INSYN2A: variants seen among roughly 807,000 people sequenced by gnomAD.
INSYN2A encodes the protein family with sequence similarity 196 member A.
Under a neutral mutation model 39.4 loss-of-function variants are expected in INSYN2A, and 17 were observed. The observed-to-expected ratio is 0.43, with a 90% CI of 0.30 to 0.65. The LOEUF (loss-of-function observed/expected upper bound fraction) is 0.65. Ranked by LOEUF, INSYN2A falls within the 30% of genes least tolerant of loss-of-function variation. The pLI is 0.14. For synonymous variants in INSYN2A, 255 were observed against 265.7 expected (o/e 0.96, Z 0.39); for missense variants, 595 against 631.2 (o/e 0.94, Z 0.61).
chr10:127,165,195 T>C (rs1339247285), intron 4 of INSYN2A, among the ~76,000 whole-genome samples: 2 of 152,224 alleles, frequency 1.3e-5, no homozygotes, highest in African/African-American at 4.8e-5. Flanking sequence ...ATGGTAAATA[T>C]CCACAGAGTC....
intron 5 of INSYN2A, among the ~76,000 whole-genome samples, chr10:127,149,496 G>C (rs1344459364): frequency 6.6e-6 from 1 of 152,088 alleles, no homozygotes; most frequent in Non-Finnish European, 1.5e-5. Context: ...ATTTATTACA[G>C]GCCTGTGGTG....
intron 5 of INSYN2A, among the ~76,000 whole-genome samples, chr10:127,149,345 C>T (rs1242723714): frequency 1.3e-5 from 2 of 152,182 alleles, no homozygotes; most frequent in Non-Finnish European, 2.9e-5. Context: ...TTTCGCTTGT[C>T]GTACTGGTGG....
At chr10:127,180,886 G>C (rs992510602) in intron 2 of INSYN2A, among the ~76,000 whole-genome samples, 2 of 152,188 alleles carry the variant, frequency 1.3e-5, no homozygotes, top group African/African-American at 2.4e-5. Context: ...CATCGTTGTG[G>C]TATTAAGATA....
intron 2 of INSYN2A, among the ~76,000 whole-genome samples, chr10:127,190,682 C>CCCCCCCCCCCG (rs1554912109): frequency 2.3e-5 from 1 of 43,738 alleles, no homozygotes; most frequent in African/African-American, 7.4e-5. Context: ...CCCCCCCCCC[C>CCCCCCCCCCCG]CGTTCCTGCT....
At chr10:127,169,630 C>T (rs2054380997) in intron 4 of INSYN2A, among the ~76,000 whole-genome samples, 1 of 152,132 alleles carries the variant, frequency 6.6e-6, no homozygotes, top group Admixed American at 6.5e-5. Flanking sequence ...TGGGTGCTTT[C>T]AGGATACAAT....
rs10829471 is a variant in INSYN2A at position 127,138,970 on chromosome 10, C to T, written c.1257-950G>A. On this transcript the variant is annotated intron_variant, in intron 5 of 5. Coordinates refer to ENST00000522781, the MANE Select transcript of INSYN2A (RefSeq NM_001039762.3). ...GACCCCCGGTCCATGCATCGTTTTT[C>T]TGTGATGATCTCTGCATTGAGGAGT... 6.6e-3 allele frequency among the ~76,000 whole-genome samples: 1,001 copies of T among 152,294 alleles called. 4 individuals are homozygous for T. Among genetic ancestry groups the T allele is most frequent in the Admixed American group, 0.012 (177 of 15,304 alleles).
Position 127,140,644 on chromosome 10 carries a change from C to CTGGGTTGAGTTTGACACACCGAGTCTT in INSYN2A, c.1257-2625_1257-2624insAAGACTCGGTGTGTCAAACTCAACCCA, listed in dbSNP as rs1169905282. Among the ~76,000 whole-genome samples, 3 of 150,596 alleles carry CTGGGTTGAGTTTGACACACCGAGTCTT rather than the reference C, an allele frequency of 2.0e-5. No homozygotes were observed. In the East Asian group the frequency reaches 5.8e-4, roughly 29 times the overall value. ...CGGTTGAGTTTGACACACCAAGTCT[C>CTGGGTTGAGTTTGACACACCGAGTCTT]TGGGTTGAGTTTGACACACCGAGTC... On this transcript the variant is annotated intron_variant, in intron 5 of 5. Coordinates refer to ENST00000522781, the MANE Select transcript of INSYN2A (RefSeq NM_001039762.3).
Position 127,137,797 on chromosome 10 carries a change from G to C in INSYN2A, c.*40C>G, listed in dbSNP as rs762501732. The stretch of plus-strand genomic sequence containing the variant: ...AAAAGTATTGACTTAAACTCCAGTG[G>C]GTTCTAAAGACGGCCTCGAGACTCC... On this transcript the variant is annotated 3_prime_UTR_variant, in exon 6 of 6. Transcript: ENST00000522781. The C allele has an allele frequency of 9.6e-6, 15 of 1,559,338 alleles. No individual in the cohort carries two copies. Among genetic ancestry groups the C allele is most frequent in the Non-Finnish European group, 8.7e-7 (1 of 1,148,570 alleles).
intron 5 of INSYN2A, among the ~76,000 whole-genome samples, chr10:127,140,802 C>T (rs889004668): frequency 2.0e-5 from 3 of 152,210 alleles, no homozygotes; most frequent in Non-Finnish European, 4.4e-5. Context: ...AAGGCAGCAA[C>T]ACCTGCTCTT....
intron 4 of INSYN2A, among the ~76,000 whole-genome samples, chr10:127,159,132 A>C (rs1362680468): frequency 6.6e-6 from 1 of 152,242 alleles, no homozygotes; most frequent in East Asian, 1.9e-4. Flanking sequence ...ATGCTCTGTT[A>C]GAAACAGAAG....
chr10:127,196,369 T>C lies in INSYN2A; in HGVS notation c.-767A>G, dbSNP rs1361984695. Among the ~76,000 whole-genome samples, 3 of 148,750 alleles carry C rather than the reference T, an allele frequency of 2.0e-5. No homozygotes were observed. In the East Asian group the frequency reaches 5.9e-4, roughly 29 times the overall value. The stretch of plus-strand genomic sequence containing the variant: ...CGGAGCCAGCCACAGCCACCCGGCT[T>C]CGCGCTCCTCCGATGTCCTCATTTA... On this transcript the variant is annotated 5_prime_UTR_variant, in exon 1 of 6. Transcript: ENST00000522781.
chr10:127,175,056 A>C lies in INSYN2A; in HGVS notation c.1184+156T>G, dbSNP rs568598834. 1.3e-5 allele frequency among the ~76,000 whole-genome samples: 2 copies of C among 152,300 alleles called. No homozygotes were observed. Among genetic ancestry groups the C allele is most frequent in the Non-Finnish European group, 2.9e-5 (2 of 68,040 alleles). ...CAGTGACGTCTAGTATCATAAAATAATCTGCGACCCCTTGGAGCTCGCCAC... is the reference window on the plus strand; with the variant it reads ...CAGTGACGTCTAGTATCATAAAATACTCTGCGACCCCTTGGAGCTCGCCAC... On this transcript the variant is annotated intron_variant, in intron 4 of 5. Coordinates refer to ENST00000522781, the MANE Select transcript of INSYN2A (RefSeq NM_001039762.3). This position sits in a 1 kb window ranked among gnomAD's most constrained non-coding sequence, Gnocchi z 6.3.
Position 127,153,852 on chromosome 10 carries a change from C to G in INSYN2A, c.1256G>C (p.Ser419Thr). ...TGGGAAGAGGAGAATGTTAACATAC[C>G]TATAGATAATACATGCACTGTTCCT... ...TCRNSACIIY[S>T]VELDFKQQED... The change falls in exon 5 of 6, where the codon AGT (serine) becomes ACT (threonine). Residue 419 changes from serine to threonine, a missense_variant and splice_region_variant. Ser to Thr is a moderately conservative substitution (Grantham distance 58). Transcript: ENST00000522781. The G allele has an allele frequency of 2.5e-6, 4 of 1,608,834 alleles. No individual in the cohort carries two copies. Among genetic ancestry groups the G allele is most frequent in the Non-Finnish European group, 3.4e-6 (4 of 1,175,296 alleles).
intron 5 of INSYN2A, among the ~76,000 whole-genome samples, chr10:127,147,842 C>G (rs929547759): frequency 6.6e-6 from 1 of 151,620 alleles, no homozygotes; most frequent in Non-Finnish European, 1.5e-5. Flanking sequence ...AACAGCCTGG[C>G]CAATATGGTG....
intron 5 of INSYN2A, among the ~76,000 whole-genome samples, chr10:127,144,495 G>C (rs372950762): frequency 6.6e-6 from 1 of 152,180 alleles, no homozygotes; most frequent in Non-Finnish European, 1.5e-5. Flanking sequence ...CTCTGAACCT[G>C]CTCTATTTGT....
At chr10:127,140,353 T>C (rs535393949) in intron 5 of INSYN2A, among the ~76,000 whole-genome samples, 4 of 152,310 alleles carry the variant, frequency 2.6e-5, no homozygotes, top group African/African-American at 7.2e-5. Context: ...CCTGGGAATC[T>C]GCAACCAGAG....
intron 2 of INSYN2A, among the ~76,000 whole-genome samples, chr10:127,178,525 G>T (rs189035458): frequency 5.3e-5 from 8 of 152,302 alleles, no homozygotes; most frequent in Non-Finnish European, 1.2e-4. Context: ...GCAGAGTCTT[G>T]CCTGGCAGAG....
chr10:127,138,423 G>A (rs917610798), intron 5 of INSYN2A, among the ~76,000 whole-genome samples: 1 of 152,092 alleles, frequency 6.6e-6, no homozygotes, highest in African/African-American at 2.4e-5. Context: ...CCAAGTGCAC[G>A]CAAGGTCCGT....
chr10:127,192,989 T>C (rs1271017930), intron 1 of INSYN2A, among the ~76,000 whole-genome samples: 1 of 152,234 alleles, frequency 6.6e-6, no homozygotes, highest in African/African-American at 2.4e-5. Context: ...AAGACTTCTC[T>C]CAATGTTTGT....
Sources: gnomAD v4.1 joint callset for allele counts (sites outside exome capture counted in the v4.1 genomes callset) on GRCh38, gnomAD v4.1.1 for gene constraint, Gnocchi (gnomAD v3.1) non-coding constraint, MANE v1.5 for transcripts, NCBI Gene and HGNC (gene_info 2026-07-23, HGNC 2026-07-21) for gene names.